The following COL9A3 variants were observed in gnomAD, a reference collection of about 807,000 sequenced individuals.
COL9A3 encodes collagen alpha-3(IX) chain.
COL9A3 carries 82 observed loss-of-function variants against 110.2 expected under a neutral mutation model. The ratio of observed to expected loss-of-function variants is 0.74; its 90% CI spans 0.62 to 0.89. The LOEUF (loss-of-function observed/expected upper bound fraction) is 0.89. Ranked by LOEUF, COL9A3 falls within the 40% of genes least tolerant of loss-of-function variation. The pLI is 0.00. For missense variants in COL9A3, 1,066 were observed against 981.3 expected (o/e 1.09, Z -1.15); for synonymous variants, 494 against 403.8 (o/e 1.22, Z -2.68).
At chr20:62,821,736 C>T in intron 7 of COL9A3, 21 bp from the exon 8 acceptor site, 1 of 1,607,916 alleles carries the variant, frequency 6.2e-7, no homozygotes, top group Non-Finnish European at 8.5e-7. Flanking sequence ...GACCTCCCCA[C>T]CTCTCTTTAC....
chr20:62,823,878 G>A (rs904383664), intron 10 of COL9A3, among the ~76,000 whole-genome samples: 1 of 152,246 alleles, frequency 6.6e-6, no homozygotes, highest in Non-Finnish European at 1.5e-5. Context: ...TGTCTGCCGT[G>A]GGGCCGGCTG....
At chr20:62,816,788 C>G (rs1489075089), upstream of COL9A3, among the ~76,000 whole-genome samples, 1 of 152,204 alleles carries the variant, frequency 6.6e-6, no homozygotes, top group Non-Finnish European at 1.5e-5. Context: ...TTCTCTCTTG[C>G]TCAAAGCTGC....
rs2063549780 is a variant in COL9A3 at position 62,826,088 on chromosome 20, T to G, written c.685-116T>G. The G allele has an allele frequency of 2.4e-6, 3 of 1,228,698 alleles. No individual in the cohort carries two copies. The African/African-American group carries it at 4.5e-5, about 18-fold the overall frequency. 76.1% of individuals were successfully genotyped at this position (1,228,698 alleles called of 1,614,324 possible). A position where few individuals can be genotyped will look rare whatever the true frequency, so the allele number is the denominator to read the frequency against. Reference sequence around the variant, plus strand: ...CCCTCTGGGGGACCTGAGCTGAGGCTGAGGGCTCATGGAAGACACCAGGGC... The same window carrying G: ...CCCTCTGGGGGACCTGAGCTGAGGCGGAGGGCTCATGGAAGACACCAGGGC... On this transcript the variant is annotated intron_variant, in intron 13 of 31. Coordinates refer to ENST00000649368, the MANE Select transcript of COL9A3 (RefSeq NM_001853.4).
intron 30 of COL9A3, 143 bp from the exon 31 acceptor site, chr20:62,838,541 C>T (rs1017357039): frequency 4.1e-5 from 33 of 802,852 alleles, no homozygotes; most frequent in Non-Finnish European, 5.2e-5. Flanking sequence ...AAGCCCTACG[C>T]GTGTGACATC....
At chr20:62,837,614 C>G (rs983807063) in intron 30 of COL9A3, among the ~76,000 whole-genome samples, 1 of 151,294 alleles carries the variant, frequency 6.6e-6, no homozygotes, top group Non-Finnish European at 1.5e-5. Context: ...CAAGACCAGC[C>G]TGACCAACAT....
At chr20:62,818,054 C>G (rs1990993639) in intron 2 of COL9A3, among the ~76,000 whole-genome samples, 1 of 152,112 alleles carries the variant, frequency 6.6e-6, no homozygotes, top group Admixed American at 6.5e-5. Context: ...GATGATGTCC[C>G]CTATGGGTAT....
intron 26 of COL9A3, among the ~76,000 whole-genome samples, chr20:62,835,666 G>A (rs1204861536): frequency 6.6e-6 from 1 of 152,176 alleles, no homozygotes; most frequent in African/African-American, 2.4e-5. Flanking sequence ...AAGTAAGCGT[G>A]TGTAAGAGAC....
intron 10 of COL9A3, 41 bp from the exon 11 acceptor site, chr20:62,824,404 T>C: frequency 6.4e-7 from 1 of 1,571,954 alleles, no homozygotes; most frequent in Non-Finnish European, 8.6e-7. Flanking sequence ...CGTCCTGCTC[T>C]GTTTGGCTGG....
At chr20:62,818,419 TG>T in intron 2 of COL9A3, 98 bp from the exon 3 acceptor site, 1 of 1,186,714 alleles carries the variant, frequency 8.4e-7, no homozygotes, top group Non-Finnish European at 1.3e-6. Context: ...GCTGGGCCTC[TG>T]GGGCTGATTT....
intron 5 of COL9A3, among the ~76,000 whole-genome samples, chr20:62,820,324 C>T (rs987071891): frequency 3.3e-5 from 5 of 152,200 alleles, no homozygotes; most frequent in African/African-American, 4.8e-5. Flanking sequence ...CCCGGGCACG[C>T]AGCCTGCAGA....
intron 29 of COL9A3, 192 bp from the exon 30 acceptor site, chr20:62,836,891 C>G (rs2063640902): frequency 1.2e-6 from 1 of 809,064 alleles, no homozygotes; most frequent in Admixed American, 1.9e-5. Flanking sequence ...TCAGGCTTCT[C>G]AGGCTCCAAG....
chr20:62,817,861 G>C, intron 2 of COL9A3: 1 of 665,810 alleles, frequency 1.5e-6, no homozygotes, highest in South Asian at 1.6e-5. Context: ...CCAGAATGCC[G>C]GCACTGAGGT....
intron 15 of COL9A3, 119 bp from the exon 16 acceptor site, chr20:62,827,122 C>T: frequency 9.8e-7 from 1 of 1,025,526 alleles, no homozygotes; most frequent in Non-Finnish European, 1.5e-6. Flanking sequence ...GGCCCCCATC[C>T]CACTCTCTGA....
intron 9 of COL9A3, 144 bp from the exon 10 acceptor site, chr20:62,822,446 GC>G (rs1445642850): frequency 1.1e-6 from 1 of 885,586 alleles, no homozygotes; most frequent in Non-Finnish European, 1.8e-6. Context: ...CCCAGCACTG[GC>G]CACTTGGGGG....
chr20:62,838,708 A>C lies in COL9A3; in HGVS notation c.1811A>C (p.Lys604Thr). ...PRGNQGDRGD[K>T]GAAGAGLDGP... ...GGAAACCAGGGTGACAGAGGAGACA[A>C]AGGCGCGGCAGGAGCAGGGCTGGAC... Residue 604 changes from lysine (K) to threonine (T), a missense_variant, in exon 31 of 32, where the codon AAA becomes ACA. Coordinates refer to ENST00000649368, the MANE Select transcript of COL9A3 (RefSeq NM_001853.4). The C allele has an allele frequency of 6.4e-7, 1 of 1,552,862 alleles. No homozygotes were observed. Among genetic ancestry groups the C allele is most frequent in the Non-Finnish European group, 8.7e-7 (1 of 1,147,602 alleles).
Position 62,836,196 on chromosome 20 carries a change from C to G in COL9A3, c.1411C>G (p.Arg471Gly). ...LVGPKGESGS[R>G]GELGPKGTQG... ...CTCTGTTCCTCTGCAGTCTGGCAGT[C>G]GAGGGGAGCTGGGCCCCAAAGGCAC... Residue 471 changes from arginine to glycine, a missense_variant, in exon 28 of 32, where the codon CGA becomes GGA. Physicochemically the swap from Arg to Gly is moderately radical, Grantham distance 125. Coordinates refer to ENST00000649368, the MANE Select transcript of COL9A3 (RefSeq NM_001853.4). 6.2e-7 allele frequency: 1 copy of G among 1,613,314 alleles called. No homozygotes were observed. The highest frequency in any genetic ancestry group is 8.5e-7 in the Non-Finnish European group (1 of 1,179,936).
Position 62,832,959 on chromosome 20 carries a change from G to C in COL9A3, c.1324-61G>C, listed in dbSNP as rs563884968. ...GGAGGCTTGAGAGCAGGGACTTTAA[G>C]GCATGAAGTCCCTACTCATGCATGA... On this transcript the variant is annotated intron_variant, in intron 25 of 31. Transcript: ENST00000649368. The C allele has an allele frequency of 1.3e-4, 187 of 1,442,836 alleles. 5 individuals carry two copies. In the South Asian group the frequency reaches 2.0e-3, roughly 16 times the overall value. The allele number at this position is 1,442,836 out of a possible 1,614,324, so 89.4% of individuals were successfully genotyped here. A position where few individuals can be genotyped will look rare whatever the true frequency, so the allele number is the denominator to read the frequency against.
chr20:62,821,110 C>T (rs1431154582), intron 5 of COL9A3, 71 bp from the exon 6 acceptor site: 2 of 1,507,190 alleles, frequency 1.3e-6, no homozygotes, highest in East Asian at 2.3e-5. Flanking sequence ...TGACGTCACA[C>T]TTCAGAGGGA....
rs144292707 is a variant in COL9A3 at position 62,836,492 on chromosome 20, C to A, written c.1563C>A (p.Ser521Arg). 1.2e-6 allele frequency: 2 copies of A among 1,613,532 alleles called. No individual in the cohort carries two copies. The highest frequency in any genetic ancestry group is 1.7e-6 in the Non-Finnish European group (2 of 1,179,762). Reference sequence around the variant, plus strand: ...GTGAATTCCAGGGGAAGGAGGCCAGCGAGCAGCGCATCAGGGAGCTGTGTG... The same window carrying A: ...GTGAATTCCAGGGGAAGGAGGCCAGAGAGCAGCGCATCAGGGAGCTGTGTG... ...GKPGVPGKEA[S>R]EQRIRELCGG... Residue 521 changes from serine (S) to arginine (R), a missense_variant, in exon 29 of 32, where the codon AGC (serine) becomes AGA (arginine). Coordinates refer to ENST00000649368, the MANE Select transcript of COL9A3 (RefSeq NM_001853.4).
Sources: allele counts gnomAD v4.1 joint callset (sites outside exome capture counted in the v4.1 genomes callset), GRCh38; gene constraint gnomAD v4.1.1; transcripts MANE v1.5; gene names NCBI Gene and HGNC (gene_info 2026-07-23, HGNC 2026-07-21).